Variants in HDAC9 observed in about 807,000 individuals in gnomAD.
The protein encoded by HDAC9 is MEF-2 interacting transcription repressor (MITR) protein.
In HDAC9, 41 loss-of-function variants were observed where a neutral mutation model predicts 139.4. The observed-to-expected ratio is 0.29, with a 90% CI of 0.23 to 0.38. The LOEUF (loss-of-function observed/expected upper bound fraction) is 0.38. Ranked by LOEUF, HDAC9 falls within the 10% of genes least tolerant of loss-of-function variation. The pLI is 1.00. For synonymous variants in HDAC9, 517 were observed against 476.2 expected (o/e 1.09, Z -1.12); for missense variants, 1,147 against 1,297.0 (o/e 0.88, Z 1.78).
At chr7:18,206,930 C>CTTTTTTTTTTTTTTTTTTTT (rs58248823) in intron 2 of HDAC9, among the ~76,000 whole-genome samples, 1 of 124,548 alleles carries the variant, frequency 8.0e-6, no homozygotes, top group African/African-American at 3.0e-5. Flanking sequence ...GATATCTTTT[C>CTTTTTTTTTTTTTTTTTTTT]TTTTTTTTTT....
At chr7:18,514,958 G>A (rs915044086) in intron 2 of HDAC9, among the ~76,000 whole-genome samples, 4 of 151,976 alleles carry the variant, frequency 2.6e-5, no homozygotes, top group African/African-American at 9.7e-5. Context: ...AAGATAATAA[G>A]AAAATAATAA....
intron 12 of HDAC9, among the ~76,000 whole-genome samples, chr7:18,713,187 A>C (rs1016813832): frequency 7.3e-4 from 111 of 152,328 alleles, no homozygotes; most frequent in African/African-American, 2.5e-3. Flanking sequence ...ATAAAAAAAA[A>C]ATTTGACTGT....
At chr7:18,875,397 A>G (rs1799244734) in intron 22 of HDAC9, among the ~76,000 whole-genome samples, 1 of 152,182 alleles carries the variant, frequency 6.6e-6, no homozygotes, top group Non-Finnish European at 1.5e-5. Flanking sequence ...ATTGCAAAGC[A>G]GACAACAACA....
intron 1 of HDAC9, among the ~76,000 whole-genome samples, chr7:18,341,197 G>A (rs2128661345): frequency 1.3e-5 from 2 of 150,904 alleles, no homozygotes; most frequent in South Asian, 4.2e-4. Flanking sequence ...GTGCCTTGGA[G>A]TAGTTTTATT....
At chr7:18,819,873 AAGGTACTAT>A (rs1488923207) in intron 17 of HDAC9, among the ~76,000 whole-genome samples, 2 of 152,216 alleles carry the variant, frequency 1.3e-5, no homozygotes, top group African/African-American at 4.8e-5. Flanking sequence ...AATCCACAGA[AAGGTACTAT>A]AGGATATATT....
At chr7:18,187,693 C>G (rs995370004) in intron 2 of HDAC9, among the ~76,000 whole-genome samples, 3 of 152,184 alleles carry the variant, frequency 2.0e-5, no homozygotes, top group African/African-American at 7.2e-5. Context: ...TCCATTCAGC[C>G]TAATCCATAC....
chr7:18,771,799 A>G (rs1395487746), intron 16 of HDAC9, among the ~76,000 whole-genome samples: 8 of 152,116 alleles, frequency 5.3e-5, no homozygotes. Context: ...GACCACATCT[A>G]TGGACATATA....
chr7:18,221,574 A>G (rs181223111), intron 2 of HDAC9, among the ~76,000 whole-genome samples: 1 of 152,160 alleles, frequency 6.6e-6, no homozygotes, highest in Non-Finnish European at 1.5e-5. Flanking sequence ...AGATGTGTAC[A>G]CTGAGCTTCC....
intron 1 of HDAC9, among the ~76,000 whole-genome samples, chr7:18,418,265 A>G (rs75056526): frequency 7.3e-4 from 111 of 152,306 alleles, no homozygotes; most frequent in African/African-American, 2.4e-3. Flanking sequence ...TGAAGTGGGA[A>G]GACTTTTAGA....
intron 14 of HDAC9, among the ~76,000 whole-genome samples, chr7:18,759,068 T>C (rs943090766): frequency 6.6e-6 from 1 of 152,138 alleles, no homozygotes; most frequent in African/African-American, 2.4e-5. Context: ...TACATTTTAA[T>C]GGCAAGGATG....
intron 13 of HDAC9, among the ~76,000 whole-genome samples, chr7:18,737,193 A>G (rs1787001006): frequency 6.6e-6 from 1 of 151,838 alleles, no homozygotes; most frequent in Admixed American, 6.6e-5. Flanking sequence ...CAGCTCCTGG[A>G]TCATTGATTT....
chr7:18,647,907 A>T lies in HDAC9; in HGVS notation c.1158A>T (p.Leu386Phe). 1 of 1,612,964 alleles carries T rather than the reference A, an allele frequency of 6.2e-7. No homozygotes were observed. The change falls in exon 10 of 26, where the codon TTA becomes TTT. Residue 386 changes from leucine (L) to phenylalanine (F), a missense_variant. Around this residue, in one of 7 missense-constraint regions of HDAC9, gnomAD observed 264 missense variants for 273.8 expected, o/e 0.96. Transcript: ENST00000686413. ...CTTCCAGCCACCCTCATGTTACTTT[A>T]GAGGGAAAGCCACCCAACAGCAGCC... ...PASSSHPHVT[L>F]EGKPPNSSHQ...
At chr7:18,920,552 G>C (rs1803608225) in intron 22 of HDAC9, among the ~76,000 whole-genome samples, 2 of 152,090 alleles carry the variant, frequency 1.3e-5, no homozygotes, top group South Asian at 4.1e-4. Flanking sequence ...TGGTGAGAGA[G>C]GGCATCCCTG....
intron 6 of HDAC9, among the ~76,000 whole-genome samples, chr7:18,603,694 T>A (rs999582267): frequency 1.3e-5 from 2 of 152,264 alleles, no homozygotes; most frequent in African/African-American, 2.4e-5. Context: ...AACTATTAGA[T>A]CAATTGATAA....
rs116282152 is a variant in HDAC9, at chr7:18,217,015, A to T, written c.25+54666A>T. On this transcript the variant is annotated intron_variant, in intron 2 of 12. Transcript: ENST00000417496. ...ATGTAACATTCTAAAACAGATTTTT[A>T]AAAAATTCCATATTTTTCCATTCCT... Among the ~76,000 whole-genome samples, 942 of 152,240 alleles carry T rather than the reference A, an allele frequency of 6.2e-3. 10 individuals are homozygous for T. Among genetic ancestry groups the T allele is most frequent in the African/African-American group, 0.021 (877 of 41,544 alleles).
intron 11 of HDAC9, among the ~76,000 whole-genome samples, chr7:18,664,901 G>A (rs1008495926): frequency 6.6e-6 from 1 of 152,090 alleles, no homozygotes; most frequent in Non-Finnish European, 1.5e-5. Flanking sequence ...CTAATGCTTA[G>A]CATGGTGTCT....
At chr7:18,572,186 C>T (rs1008084084) in intron 2 of HDAC9, among the ~76,000 whole-genome samples, 10 of 151,254 alleles carry the variant, frequency 6.6e-5, no homozygotes, top group Admixed American at 2.0e-4. Flanking sequence ...TACTAGGTTC[C>T]GGAGTTATAA....
chr7:18,706,160 C>CTTTTTTTTTTTTTTTTTTTTT (rs1165670432), intron 12 of HDAC9, among the ~76,000 whole-genome samples: 1 of 86,760 alleles, frequency 1.2e-5, no homozygotes, highest in Non-Finnish European at 2.1e-5. Context: ...GAAAGTTTTC[C>CTTTTTTTTTTTTTTTTTTTTT]TTTTTTTTTT....
chr7:18,688,074 TAC>T (rs1164284483), intron 12 of HDAC9, among the ~76,000 whole-genome samples: 2 of 151,706 alleles, frequency 1.3e-5, no homozygotes, highest in Admixed American at 6.6e-5. Context: ...TGACTATATA[TAC>T]ACACACACAC....
Sources: allele counts gnomAD v4.1 joint callset (sites outside exome capture counted in the v4.1 genomes callset), GRCh38; gene constraint gnomAD v4.1.1; regional missense constraint gnomAD v4.1.1; transcripts MANE v1.5; gene names NCBI Gene and HGNC (gene_info 2026-07-23, HGNC 2026-07-21).